MAT2B: variants seen among roughly 807,000 people sequenced by gnomAD.
MAT2B encodes the protein methionine adenosyltransferase 2 subunit beta.
MAT2B carries 16 observed loss-of-function variants against 36.1 expected under a neutral mutation model. The ratio of observed to expected loss-of-function variants is 0.44; its 90% confidence interval spans 0.30 to 0.67. The LOEUF (loss-of-function observed/expected upper bound fraction) is 0.67, where lower values mean the gene tolerates loss of function less well. Ranked by LOEUF, MAT2B falls within the 30% of genes least tolerant of loss-of-function variation. MAT2B has a pLI of 0.09. For synonymous variants in MAT2B, 148 were observed against 136.9 expected (o/e 1.08, Z -0.57); for missense variants, 332 against 398.2 (o/e 0.83, Z 1.42).
At chr5:163,515,643 T>TGA (rs1187174400) in intron 4 of MAT2B, among the ~76,000 whole-genome samples, 1 of 152,110 alleles carries the variant, frequency 6.6e-6, no homozygotes, top group Non-Finnish European at 1.5e-5. Flanking sequence ...AGTCAAAGAC[T>TGA]ATTCATTGCA....
chr5:163,513,742 G>A (rs1760086929), intron 3 of MAT2B, 73 bp downstream of exon 3: 4 of 1,510,938 alleles, frequency 2.6e-6, no homozygotes, highest in Non-Finnish European at 3.6e-6. Context: ...AGGTTTTGTA[G>A]ATGGTTATTT....
At position 163,516,676 on chromosome 5, in the gene MAT2B, A is replaced by G. The variant is rs757482350; in HGVS notation, c.685A>G (p.Thr229Ala). ...CCCCACACATGTCAAAGATGTGGCC[A>G]CTGTGTGCCGGCAGCTAGCAGAGAA... ...RFPTHVKDVA[T>A]VCRQLAEKRM... The change falls in exon 5 of 7, where the codon ACT becomes GCT. Residue 229 changes from threonine to alanine, a missense_variant. By Grantham distance (58) the Thr-to-Ala change is moderately conservative. Coordinates refer to ENST00000321757, the MANE Select transcript of MAT2B (RefSeq NM_013283.5). 1.1e-5 allele frequency: 17 copies of G among 1,614,062 alleles called. No individual in the cohort carries two copies. The African/African-American group carries it at 1.7e-4, about 16-fold the overall frequency.
intron 1 of MAT2B, among the ~76,000 whole-genome samples, chr5:163,511,483 A>C (rs1760043506): frequency 2.0e-5 from 2 of 102,016 alleles, no homozygotes; most frequent in African/African-American, 4.0e-5. Flanking sequence ...GGTTTTCACC[A>C]TGTTGCCTAG....
At chr5:163,503,295 G>A, upstream of MAT2B, 2 of 1,053,258 alleles carry the variant, frequency 1.9e-6, no homozygotes, top group Non-Finnish European at 2.9e-6. Context: ...GTTTTGGCGT[G>A]CCTGCGCTCT....
intron 2 of MAT2B, chr5:163,513,183 C>T: frequency 5.6e-6 from 1 of 178,656 alleles, no homozygotes; most frequent in Non-Finnish European, 1.2e-5. Context: ...GATTGAGTAC[C>T]AACCACTATG....
chr5:163,512,250 A>T lies in MAT2B; in HGVS notation c.258+54A>T, dbSNP rs779701901. 5 of 1,422,562 alleles carry T rather than the reference A, an allele frequency of 3.5e-6. No individual in the cohort carries two copies. In the African/African-American group the frequency reaches 7.0e-5, roughly 20 times the overall value. 88.1% of individuals were successfully genotyped at this position (1,422,562 alleles called of 1,614,324 possible). A position where few individuals can be genotyped will look rare whatever the true frequency, so the allele number is the denominator to read the frequency against. On this transcript the variant is annotated intron_variant, in intron 2 of 6. Coordinates refer to ENST00000321757, the MANE Select transcript of MAT2B (RefSeq NM_013283.5). ...ATGAACAATATTAAGAGTTGTCTGG[A>T]TGATACAGAAACTATCCTTGCTCTC...
At position 163,513,942 on chromosome 5, in the gene MAT2B, G is replaced by A. The variant is rs1581214634; in HGVS notation, c.474G>A (p.Leu158=). The A allele has an allele frequency of 6.2e-7, 1 of 1,613,534 alleles. No homozygotes were observed. Among genetic ancestry groups the A allele is most frequent in the East Asian group, 2.2e-5 (1 of 44,774 alleles). The change falls in exon 4 of 7, where the codon TTG becomes TTA. Residue 158 remains leucine (L), a synonymous_variant. Coordinates refer to ENST00000321757, the MANE Select transcript of MAT2B (RefSeq NM_013283.5). ...REEDIPAPLN[L]YGKTKLDGEK... is the part of the protein sequence containing the mutation. ...AAGACATACCAGCTCCCCTAAATTTGTATGGCAAAACAAAATTAGATGGAG... is the reference window on the plus strand; with the variant it reads ...AAGACATACCAGCTCCCCTAAATTTATATGGCAAAACAAAATTAGATGGAG...
intron 4 of MAT2B, among the ~76,000 whole-genome samples, chr5:163,514,637 A>G (rs1581214886): frequency 6.6e-6 from 1 of 151,892 alleles, no homozygotes; most frequent in Non-Finnish European, 1.5e-5. Flanking sequence ...ACATCTTTGC[A>G]TTTTAGTACA....
At position 163,519,065 on chromosome 5, in the gene MAT2B, A is replaced by T. The variant is rs143399168; in HGVS notation, c.*702A>T. ...CCATGTTGCCGCTAAGTGATATTTC[A>T]TATGTGTGGTTATACTCATAATAAT... is the stretch of plus-strand genomic sequence containing the variant. On this transcript the variant is annotated 3_prime_UTR_variant, in exon 7 of 7. Coordinates refer to ENST00000321757, the MANE Select transcript of MAT2B (RefSeq NM_013283.5). 2.0e-5 allele frequency: 3 copies of T among 152,322 alleles called. No individual in the cohort carries two copies. Among genetic ancestry groups the T allele is most frequent in the Admixed American group, 6.5e-5 (1 of 15,272 alleles). The allele number at this position is 152,322 out of a possible 1,614,324, so 9.4% of individuals were successfully genotyped here.
intron 6 of MAT2B, 36 bp downstream of exon 6, chr5:163,517,710 G>T (rs751778312): frequency 8.1e-7 from 1 of 1,232,764 alleles, no homozygotes; most frequent in South Asian, 1.2e-5. Flanking sequence ...TAGATCCATT[G>T]CTATGGTATA....
At chr5:163,508,665 T>G (rs1366973081) in intron 1 of MAT2B, among the ~76,000 whole-genome samples, 1 of 151,980 alleles carries the variant, frequency 6.6e-6, no homozygotes, top group East Asian at 1.9e-4. Flanking sequence ...TCCCCCAGGC[T>G]GGAGTGCAGT....
At chr5:163,517,500 A>G (rs1479565118) in intron 5 of MAT2B, 61 bp from the exon 6 acceptor site, 1 of 1,003,270 alleles carries the variant, frequency 1.0e-6, no homozygotes, top group Admixed American at 1.8e-5. Context: ...TTTTTGGTCA[A>G]ACCTATTCTA....
chr5:163,518,143 T>TA (rs1192811542), intron 6 of MAT2B, 50 bp from the exon 7 acceptor site: 3 of 1,389,366 alleles, frequency 2.2e-6, no homozygotes, highest in Non-Finnish European at 2.0e-6. Flanking sequence ...GCCCTCAAAA[T>TA]ATAGCCTTTC....
upstream of MAT2B, chr5:163,505,473 T>G (rs57122772): frequency 6.9e-3 from 8,287 of 1,206,178 alleles, 429 homozygotes; most frequent in African/African-American, 0.12. Context: ...GCGCGTGGGC[T>G]GGGGGCAGAC....
At chr5:163,517,140 T>A in intron 5 of MAT2B, 1 of 223,040 alleles carries the variant, frequency 4.5e-6, no homozygotes, top group Non-Finnish European at 8.8e-6. Context: ...AGTTTTTTAA[T>A]ATATGAGAAT....
chr5:163,513,928 G>A lies in MAT2B; in HGVS notation c.460G>A (p.Ala154Thr). The change falls in exon 4 of 7, where the codon GCT (alanine) becomes ACT (threonine). Residue 154 changes from alanine to threonine, a missense_variant. Physicochemically the swap from Ala to Thr is moderately conservative, Grantham distance 58. Coordinates refer to ENST00000321757, the MANE Select transcript of MAT2B (RefSeq NM_013283.5). ...ACCTTACAGAGAGGAAGACATACCA[G>A]CTCCCCTAAATTTGTATGGCAAAAC... ...NPPYREEDIPAPLNLYGKTKL... is the reference protein window; with the variant it reads ...NPPYREEDIPTPLNLYGKTKL... 1 of 1,613,546 alleles carries A rather than the reference G, an allele frequency of 6.2e-7. No individual in the cohort carries two copies. Among genetic ancestry groups the A allele is most frequent in the Non-Finnish European group, 8.5e-7 (1 of 1,179,656 alleles).
intron 6 of MAT2B, 69 bp downstream of exon 6, chr5:163,517,743 T>C: frequency 1.0e-6 from 1 of 965,908 alleles, no homozygotes; most frequent in Non-Finnish European, 1.7e-6. Flanking sequence ...GTTGGGTAAC[T>C]TCATTTCTCA....
chr5:163,514,590 T>G (rs558853098), intron 4 of MAT2B, among the ~76,000 whole-genome samples: 1 of 149,184 alleles, frequency 6.7e-6, no homozygotes, highest in African/African-American at 2.5e-5. Context: ...TCAAAAAATG[T>G]ATGCATGTTG....
intron 1 of MAT2B, among the ~76,000 whole-genome samples, chr5:163,511,546 G>A (rs1760044920): frequency 6.7e-6 from 1 of 149,210 alleles, no homozygotes; most frequent in South Asian, 2.1e-4. Flanking sequence ...GCCTCGCAAA[G>A]TGCTGGGATT....
Sources: allele counts gnomAD v4.1 joint callset (sites outside exome capture counted in the v4.1 genomes callset), GRCh38; gene constraint gnomAD v4.1.1; transcripts MANE v1.5; gene names NCBI Gene and HGNC (gene_info 2026-07-23, HGNC 2026-07-21).